DCLK1: variants seen among roughly 807,000 people sequenced by gnomAD.
The protein encoded by DCLK1 is serine/threonine-protein kinase DCLK1.
In DCLK1, 16 loss-of-function variants were observed where a neutral mutation model predicts 86.2. The observed-to-expected ratio is 0.19, with a 90% CI of 0.13 to 0.28. The LOEUF is 0.28. Among genes scored for constraint, DCLK1 ranks in the 10% least tolerant of loss-of-function variants. DCLK1 has a pLI of 1.00. For synonymous variants in DCLK1, 369 were observed against 370.5 expected, an observed-to-expected ratio of 1.00 and a Z score of 0.05; for missense variants, 590 against 940.2, an observed-to-expected ratio of 0.63 and a Z score of 4.87.
intron 3 of DCLK1, among the ~76,000 whole-genome samples, chr13:35,999,595 A>T (rs914127784): frequency 6.6e-6 from 1 of 152,192 alleles, no homozygotes; most frequent in African/African-American, 2.4e-5. Flanking sequence ...GCCATCAGGG[A>T]GACAGACTCT....
At chr13:35,901,755 G>A (rs1874380206) in intron 4 of DCLK1, among the ~76,000 whole-genome samples, 2 of 152,206 alleles carry the variant, frequency 1.3e-5, no homozygotes, top group African/African-American at 2.4e-5. Context: ...TCTCTTCAGG[G>A]AAGTCCTGAG....
intron 3 of DCLK1, among the ~76,000 whole-genome samples, chr13:36,051,585 T>C (rs150201921): frequency 6.6e-6 from 1 of 151,914 alleles, no homozygotes; most frequent in South Asian, 2.1e-4. Context: ...TTAATAACCA[T>C]GACAATTTTT....
rs529693686 is a variant in DCLK1, at chr13:35,979,255, TTAAAAG to T, written c.724-31804_724-31799del. On this transcript the variant is annotated intron_variant, in intron 3 of 16. Coordinates refer to ENST00000360631, the MANE Select transcript of DCLK1 (RefSeq NM_001330071.2). ...GTGCCAAGCGACTTTCCAATGACTATTAAAAGTAAAAGAATACAGCCCGGGATTCAG... is the reference window on the plus strand; with the variant it reads ...GTGCCAAGCGACTTTCCAATGACTATTAAAAGAATACAGCCCGGGATTCAG... 2.0e-3 allele frequency among the ~76,000 whole-genome samples: 301 copies of T among 152,218 alleles called. 1 individual carries two copies. Among genetic ancestry groups the T allele is most frequent in the African/African-American group, 6.9e-3 (285 of 41,534 alleles).
At chr13:36,059,638 A>C (rs1883463705) in intron 3 of DCLK1, among the ~76,000 whole-genome samples, 1 of 152,190 alleles carries the variant, frequency 6.6e-6, no homozygotes, top group Non-Finnish European at 1.5e-5. Context: ...GGGTAGCCAG[A>C]ACTAATGGTG....
At chr13:36,092,549 G>A (rs1404411785) in intron 3 of DCLK1, among the ~76,000 whole-genome samples, 1 of 142,370 alleles carries the variant, frequency 7.0e-6, no homozygotes, top group African/African-American at 2.6e-5. Context: ...TGCAGTGGCG[G>A]GATCTCGGCT....
chr13:35,860,458 T>C (rs933063525), intron 5 of DCLK1, among the ~76,000 whole-genome samples: 3 of 152,096 alleles, frequency 2.0e-5, no homozygotes, highest in African/African-American at 4.8e-5. Flanking sequence ...ATTTTCTCCA[T>C]GTCTGTTTCC....
chr13:35,826,708 C>T (rs1005217776), intron 10 of DCLK1, among the ~76,000 whole-genome samples: 13 of 151,906 alleles, frequency 8.6e-5, no homozygotes, highest in Non-Finnish European at 1.9e-4. Flanking sequence ...TTTTTCATAT[C>T]ATCGCAGATT....
intron 11 of DCLK1, among the ~76,000 whole-genome samples, chr13:35,812,419 T>C (rs2087167159): frequency 6.6e-6 from 1 of 152,222 alleles, no homozygotes; most frequent in African/African-American, 2.4e-5. Context: ...TCTCACTCTG[T>C]GATCATCTGT....
At chr13:35,786,609 A>G (rs895549771) in intron 16 of DCLK1, among the ~76,000 whole-genome samples, 23 of 152,282 alleles carry the variant, frequency 1.5e-4, no homozygotes, top group Admixed American at 1.2e-3. Flanking sequence ...GAAAATTTAT[A>G]GAGATGTGCA....
intron 3 of DCLK1, among the ~76,000 whole-genome samples, chr13:35,955,097 G>A (rs1877909642): frequency 2.0e-5 from 3 of 152,010 alleles, no homozygotes. Context: ...TCTGACCCAG[G>A]AATGCACCCT....
chr13:35,809,005 T>C lies in DCLK1; in HGVS notation c.1766+13A>G, dbSNP rs370499687. The C allele has an allele frequency of 1.9e-6, 3 of 1,609,612 alleles. No individual in the cohort carries two copies. The highest frequency in any genetic ancestry group is 1.7e-6 in the Non-Finnish European group (2 of 1,177,008). ...TGCTTTGTCGGCGCTGAATAAAAGA[T>C]TGTTGCCCATACCCACGGAATGGAG... is the stretch of plus-strand genomic sequence containing the variant. On this transcript the variant is annotated intron_variant, in intron 13 of 16. Transcript: ENST00000360631.
At chr13:35,808,889 C>A in intron 13 of DCLK1, 129 bp downstream of exon 13, 3 of 598,036 alleles carry the variant, frequency 5.0e-6, no homozygotes, top group South Asian at 3.9e-5. Flanking sequence ...GAAAAAATAA[C>A]AGGGATTGCA....
At chr13:36,055,286 C>T (rs1439177475) in intron 3 of DCLK1, among the ~76,000 whole-genome samples, 3 of 152,184 alleles carry the variant, frequency 2.0e-5, no homozygotes, top group South Asian at 2.1e-4. Flanking sequence ...ACTTCCCCTC[C>T]GATTTGAGAT....
chr13:35,891,468 T>C (rs1354673247), intron 4 of DCLK1, among the ~76,000 whole-genome samples: 1 of 152,190 alleles, frequency 6.6e-6, no homozygotes, highest in African/African-American at 2.4e-5. Flanking sequence ...TCTCTTTGGA[T>C]AAAAATGAAT....
At chr13:35,996,832 T>G (rs928160040) in intron 3 of DCLK1, among the ~76,000 whole-genome samples, 1 of 152,256 alleles carries the variant, frequency 6.6e-6, no homozygotes, top group Non-Finnish European at 1.5e-5. Flanking sequence ...TTCATCCATA[T>G]GGACAGCATA....
intron 3 of DCLK1, among the ~76,000 whole-genome samples, chr13:35,947,839 G>A (rs1342406165): frequency 6.6e-6 from 1 of 152,146 alleles, no homozygotes; most frequent in Non-Finnish European, 1.5e-5. Flanking sequence ...AATATGTTTA[G>A]TAATTGATGC....
chr13:35,875,288 C>T (rs533150882), intron 4 of DCLK1, among the ~76,000 whole-genome samples: 187 of 152,312 alleles, frequency 1.2e-3, no homozygotes, highest in African/African-American at 4.3e-3. Flanking sequence ...TTTAAAAGCT[C>T]AGCATCTAGT....
At position 35,774,414 on chromosome 13, in the gene DCLK1, G is replaced by T; in HGVS notation, c.*121C>A. 8.4e-7 allele frequency: 1 copy of T among 1,194,586 alleles called. No individual in the cohort carries two copies. The highest frequency in any genetic ancestry group is 1.2e-6 in the Non-Finnish European group (1 of 863,438). The allele number at this position is 1,194,586 out of a possible 1,614,324, so 74.0% of individuals were successfully genotyped here. The stretch of plus-strand genomic sequence containing the variant: ...ACAAAGATACCTGAAAACACTTTCA[G>T]TTCTGCCATTCAAGCATTGAGCGCT... On this transcript the variant is annotated 3_prime_UTR_variant, in exon 17 of 17. Transcript: ENST00000360631.
At chr13:35,950,268 T>C (rs558282555) in intron 3 of DCLK1, among the ~76,000 whole-genome samples, 14 of 152,346 alleles carry the variant, frequency 9.2e-5, no homozygotes, top group African/African-American at 3.4e-4. Flanking sequence ...TGCACTTCAA[T>C]GCACTTCAAT....
Sources: allele counts gnomAD v4.1 joint callset (sites outside exome capture counted in the v4.1 genomes callset), GRCh38; gene constraint gnomAD v4.1.1; transcripts MANE v1.5; gene names NCBI Gene and HGNC (gene_info 2026-07-23, HGNC 2026-07-21).